Variants in POLK observed in about 807,000 individuals in gnomAD.
POLK encodes the protein DNA polymerase kappa.
Under a neutral mutation model 94.0 loss-of-function variants are expected in POLK, and 76 were observed. The observed-to-expected ratio is 0.81, with a 90% CI of 0.67 to 0.98. The LOEUF (loss-of-function observed/expected upper bound fraction) is 0.98. Among genes scored for constraint, POLK ranks in the 50% least tolerant of loss-of-function variants. The probability of loss-of-function intolerance (pLI) is 0.00; values close to 1 mark genes in which losing one functional copy is unlikely to be tolerated. For missense variants in POLK, 954 were observed against 1,010.1 expected (o/e 0.94, Z 0.75); for synonymous variants, 349 against 325.4 (o/e 1.07, Z -0.78).
intron 10 of POLK, among the ~76,000 whole-genome samples, chr5:75,588,516 G>T (rs1772588676): frequency 6.6e-6 from 1 of 152,136 alleles, no homozygotes; most frequent in African/African-American, 2.4e-5. Flanking sequence ...CACTAGTCAG[G>T]TTGGCAAAGA....
At chr5:75,565,901 C>A (rs564420440) in intron 3 of POLK, among the ~76,000 whole-genome samples, 1 of 152,348 alleles carries the variant, frequency 6.6e-6, no homozygotes, top group Non-Finnish European at 1.5e-5. Context: ...CTGTGCTGGG[C>A]GATCCGCTGC....
chr5:75,581,169 C>T, intron 6 of POLK, 40 bp from the exon 7 acceptor site: 1 of 1,440,202 alleles, frequency 6.9e-7, no homozygotes, highest in Non-Finnish European at 9.7e-7. Flanking sequence ...GTATATACTT[C>T]TTAAAATAAA....
intron 1 of POLK, among the ~76,000 whole-genome samples, chr5:75,523,906 G>C (rs1768704837): frequency 6.6e-6 from 1 of 152,116 alleles, no homozygotes; most frequent in African/African-American, 2.4e-5. Context: ...GAGGCAGGCA[G>C]ATCACCTGAG....
intron 5 of POLK, among the ~76,000 whole-genome samples, chr5:75,574,912 A>G (rs1282564753): frequency 1.3e-5 from 2 of 152,244 alleles, no homozygotes; most frequent in African/African-American, 4.8e-5. Context: ...TAAAAATCCT[A>G]CAAAAGTTTA....
intron 1 of POLK, among the ~76,000 whole-genome samples, chr5:75,527,522 C>T (rs1768926937): frequency 1.3e-5 from 2 of 150,878 alleles, no homozygotes; most frequent in Non-Finnish European, 3.0e-5. Flanking sequence ...CACACACACA[C>T]ACACACACAC....
intron 4 of POLK, among the ~76,000 whole-genome samples, chr5:75,571,829 A>G (rs554935352): frequency 2.4e-4 from 36 of 152,172 alleles, no homozygotes; most frequent in Non-Finnish European, 3.7e-4. Context: ...TATACCACAA[A>G]TCTAAAAGTT....
At chr5:75,536,042 C>T (rs115647643) in intron 1 of POLK, among the ~76,000 whole-genome samples, 2,491 of 152,220 alleles carry the variant, frequency 0.016, 59 homozygotes, top group African/African-American at 0.054. Context: ...TGCTAGAGTT[C>T]TTGTGCTGGT....
At chr5:75,583,376 C>A in exon 8 of POLK, 1 of 1,604,936 alleles carries the variant, frequency 6.2e-7, no homozygotes, top group East Asian at 2.2e-5. Flanking sequence ...TCCCAATAGA[C>A]AAGCTGTGAT....
chr5:75,515,400 GC>G (rs1217014971), intron 1 of POLK, among the ~76,000 whole-genome samples: 1 of 152,062 alleles, frequency 6.6e-6, no homozygotes, highest in Non-Finnish European at 1.5e-5. Context: ...CAATCCTCCT[GC>G]CTTGGCCTCC....
chr5:75,511,253 T>G, upstream of POLK: 1 of 1,603,918 alleles, frequency 6.2e-7, no homozygotes, highest in Non-Finnish European at 8.5e-7. Flanking sequence ...CTCCCTCAGC[T>G]GCGCCGGAGG....
chr5:75,536,256 T>TG (rs1769440518), intron 1 of POLK, among the ~76,000 whole-genome samples: 1 of 152,270 alleles, frequency 6.6e-6, no homozygotes, highest in South Asian at 2.1e-4. Context: ...CTACATTTTT[T>TG]GGGGGGTGTT....
intron 1 of POLK, among the ~76,000 whole-genome samples, chr5:75,542,283 C>T (rs1319598547): frequency 3.9e-5 from 6 of 152,042 alleles, no homozygotes; most frequent in Admixed American, 1.3e-4. Context: ...TTTAGCCTTT[C>T]GTATTCATAC....
chr5:75,543,225 A>T (rs1769843731), intron 1 of POLK, among the ~76,000 whole-genome samples: 1 of 150,940 alleles, frequency 6.6e-6, no homozygotes, highest in African/African-American at 2.4e-5. Context: ...TATTTTAAGT[A>T]GAGAGGGTTT....
chr5:75,589,008 G>C (rs1772612722), intron 10 of POLK, among the ~76,000 whole-genome samples: 1 of 152,136 alleles, frequency 6.6e-6, no homozygotes, highest in African/African-American at 2.4e-5. Context: ...GCCTACCACA[G>C]GGGGTAAGAA....
At chr5:75,515,681 A>C (rs549633383) in intron 1 of POLK, among the ~76,000 whole-genome samples, 17 of 152,356 alleles carry the variant, frequency 1.1e-4, no homozygotes, top group Middle Eastern at 3.4e-3. Flanking sequence ...AGGAACCTCC[A>C]TACTGTATTC....
At chr5:75,514,501 CAAACATT>C (rs1228345870) in intron 1 of POLK, among the ~76,000 whole-genome samples, 2 of 152,192 alleles carry the variant, frequency 1.3e-5, no homozygotes, top group African/African-American at 2.4e-5. Context: ...TACAAAATGT[CAAACATT>C]GTTTTAGGTT....
intron 3 of POLK, among the ~76,000 whole-genome samples, chr5:75,559,560 GTC>G (rs1396281348): frequency 4.0e-5 from 5 of 125,550 alleles, no homozygotes; most frequent in African/African-American, 1.6e-4. Flanking sequence ...TAGAGACAGG[GTC>G]TCTCTCTGTC....
intron 1 of POLK, among the ~76,000 whole-genome samples, chr5:75,529,789 A>G (rs960628403): frequency 3.9e-5 from 6 of 152,190 alleles, no homozygotes; most frequent in Admixed American, 6.5e-5. Context: ...TTTAGATTGA[A>G]ATAGTATAAA....
chr5:75,573,640 T>C (rs769179629), intron 4 of POLK, 98 bp from the exon 5 acceptor site: 15 of 1,013,026 alleles, frequency 1.5e-5, no homozygotes, highest in Non-Finnish European at 1.9e-5. Context: ...TGTCCTTGAA[T>C]TGAAAATGCA....
Sources: allele counts gnomAD v4.1 joint callset (sites outside exome capture counted in the v4.1 genomes callset), GRCh38; gene constraint gnomAD v4.1.1; transcripts MANE v1.5; gene names NCBI Gene and HGNC (gene_info 2026-07-23, HGNC 2026-07-21).